Variants in MRTFA observed in about 807,000 individuals in gnomAD.
The protein encoded by MRTFA is myocardin related transcription factor A.
Under a neutral mutation model 83.5 loss-of-function variants are expected in MRTFA, and 20 were observed. The ratio of observed to expected loss-of-function variants is 0.24; its 90% CI spans 0.17 to 0.35. The LOEUF is 0.35. Ranked by LOEUF, MRTFA falls within the 10% of genes least tolerant of loss-of-function variation. The pLI is 1.00. For missense variants in MRTFA, 1,200 were observed against 1,224.7 expected, an observed-to-expected ratio of 0.98 and a Z score of 0.30; for synonymous variants, 659 against 541.2, an observed-to-expected ratio of 1.22 and a Z score of -3.02.
intron 3 of MRTFA, among the ~76,000 whole-genome samples, chr22:40,469,914 A>G (rs1482427957): frequency 6.6e-6 from 1 of 151,866 alleles, no homozygotes; most frequent in Non-Finnish European, 1.5e-5. Context: ...CCCCATCTCT[A>G]TAAATATTAT....
chr22:40,570,577 CAAAAAAAAAAAA>C (rs894548892), intron 2 of MRTFA, among the ~76,000 whole-genome samples: 8 of 23,152 alleles, frequency 3.5e-4, no homozygotes, highest in East Asian at 1.2e-3. Context: ...GACTCTGTCT[CAAAAAAAAAAAA>C]AAAAAAAAAA....
chr22:40,459,933 C>T (rs2053680735), intron 4 of MRTFA, among the ~76,000 whole-genome samples: 2 of 147,632 alleles, frequency 1.4e-5, no homozygotes, highest in African/African-American at 5.0e-5. Flanking sequence ...AGCAGATAAC[C>T]GCAATAACCA....
At chr22:40,517,383 C>A (rs1045467087) in intron 3 of MRTFA, among the ~76,000 whole-genome samples, 2 of 152,072 alleles carry the variant, frequency 1.3e-5, no homozygotes, top group Non-Finnish European at 2.9e-5. Context: ...GGAACCTCGA[C>A]AAGTTAGAAC....
chr22:40,530,335 C>T (rs967000246), intron 3 of MRTFA, among the ~76,000 whole-genome samples: 4 of 152,166 alleles, frequency 2.6e-5, no homozygotes, highest in African/African-American at 7.2e-5. Context: ...CTCGCTCTGT[C>T]GCCCAGGCTG....
intron 3 of MRTFA, among the ~76,000 whole-genome samples, chr22:40,496,078 A>T (rs1344799516): frequency 6.6e-6 from 1 of 151,276 alleles, no homozygotes; most frequent in East Asian, 1.9e-4. Flanking sequence ...AAAAAAAAAA[A>T]TAAATTAATA....
chr22:40,534,465 G>A (rs546626402), intron 3 of MRTFA, among the ~76,000 whole-genome samples: 1 of 152,054 alleles, frequency 6.6e-6, no homozygotes, highest in African/African-American at 2.4e-5. Context: ...TACTTTTTTT[G>A]TATGTTTGAG....
At chr22:40,502,185 G>A (rs1295971064) in intron 3 of MRTFA, among the ~76,000 whole-genome samples, 8 of 144,208 alleles carry the variant, frequency 5.5e-5, no homozygotes, top group East Asian at 4.4e-4. Flanking sequence ...CCTCCCGGAC[G>A]GGGTGGCTGC....
At chr22:40,628,904 C>T (rs1023966172) in intron 1 of MRTFA, among the ~76,000 whole-genome samples, 1 of 152,158 alleles carries the variant, frequency 6.6e-6, no homozygotes, top group African/African-American at 2.4e-5. Context: ...CCAATGCACC[C>T]TGACAGGTCA....
chr22:40,495,958 C>T (rs1402548406), intron 3 of MRTFA, among the ~76,000 whole-genome samples: 6 of 148,944 alleles, frequency 4.0e-5, no homozygotes, highest in African/African-American at 1.5e-4. Flanking sequence ...CCCAGCTACT[C>T]GGGAGGCTGA....
At chr22:40,590,084 A>T (rs1034741980) in intron 2 of MRTFA, among the ~76,000 whole-genome samples, 9 of 151,728 alleles carry the variant, frequency 5.9e-5, no homozygotes, top group Non-Finnish European at 1.2e-4. Context: ...TCTGAACTTC[A>T]TTTTTTTGCA....
intron 14 of MRTFA, among the ~76,000 whole-genome samples, chr22:40,415,985 T>A (rs1277958375): frequency 6.6e-6 from 1 of 151,952 alleles, no homozygotes; most frequent in Non-Finnish European, 1.5e-5. Context: ...ACTGCCAATC[T>A]AGATGTGACA....
intron 9 of MRTFA, among the ~76,000 whole-genome samples, chr22:40,421,434 C>T (rs547963839): frequency 6.6e-6 from 1 of 152,292 alleles, no homozygotes; most frequent in Admixed American, 6.5e-5. Flanking sequence ...CTGCGCCAGA[C>T]CAGGCACCTT....
intron 3 of MRTFA, among the ~76,000 whole-genome samples, chr22:40,536,372 G>A (rs533507394): frequency 2.8e-5 from 4 of 144,924 alleles, no homozygotes; most frequent in South Asian, 4.4e-4. Flanking sequence ...GCGGGCAGCG[G>A]AGCTGTCTCA....
chr22:40,629,775 CAAAAAAAAAAA>C (rs766356425), intron 1 of MRTFA, among the ~76,000 whole-genome samples: 2 of 40,342 alleles, frequency 5.0e-5, no homozygotes, highest in African/African-American at 9.2e-5. Flanking sequence ...GATTCCATCT[CAAAAAAAAAAA>C]AAAAAAAAAA....
Position 40,592,611 on chromosome 22 carries a change from C to G in MRTFA, c.-22+2063G>C, listed in dbSNP as rs2056138026. The stretch of plus-strand genomic sequence containing the variant: ...TCAAGCAATCCTCCCACCTCAGCCT[C>G]TCTAGCAAATGGGACTACAGGCACA... On this transcript the variant is annotated intron_variant, in intron 2 of 14. Transcript: ENST00000355630. Among the ~76,000 whole-genome samples, 6 of 152,098 alleles carry G rather than the reference C, an allele frequency of 3.9e-5. No individual in the cohort carries two copies. In the South Asian group the frequency reaches 1.2e-3, roughly 32 times the overall value.
chr22:40,451,975 GTTTTTTTTTTTTT>G (rs771103539), intron 4 of MRTFA, among the ~76,000 whole-genome samples: 10,382 of 81,452 alleles, frequency 0.13, 586 homozygotes, highest in East Asian at 0.32. Context: ...TTTTTTTTTG[GTTTTTTTTTTTTT>G]TTTTTTTTTT....
At chr22:40,624,383 G>A (rs928961273) in intron 1 of MRTFA, among the ~76,000 whole-genome samples, 11 of 139,486 alleles carry the variant, frequency 7.9e-5, no homozygotes, top group Non-Finnish European at 1.2e-4. Context: ...CCGAGATCGC[G>A]CCACTGCACT....
chr22:40,496,785 T>C (rs574372343), intron 3 of MRTFA, among the ~76,000 whole-genome samples: 2 of 148,754 alleles, frequency 1.3e-5, no homozygotes, highest in Admixed American at 1.3e-4. Context: ...CTACATTTTC[T>C]ACATCAAATA....
intron 2 of MRTFA, among the ~76,000 whole-genome samples, chr22:40,553,782 AC>A (rs2055479170): frequency 6.6e-6 from 1 of 152,104 alleles, no homozygotes; most frequent in African/African-American, 2.4e-5. Context: ...CATCCTCCAG[AC>A]CCCAGAATGG....
Sources: allele counts gnomAD v4.1 joint callset (sites outside exome capture counted in the v4.1 genomes callset), GRCh38; gene constraint gnomAD v4.1.1; transcripts MANE v1.5; gene names NCBI Gene and HGNC (gene_info 2026-07-23, HGNC 2026-07-21).